GRIK4: variants seen among roughly 807,000 people sequenced by gnomAD.
GRIK4 encodes glutamate ionotropic receptor kainate type subunit 4.
In GRIK4, 40 loss-of-function variants were observed where a neutral mutation model predicts 104.9. The ratio of observed to expected loss-of-function variants is 0.38; its 90% CI spans 0.30 to 0.50. GRIK4 has a LOEUF of 0.50. GRIK4 is among the 20% of genes least tolerant of loss of function. The pLI, the probability that GRIK4 is intolerant of heterozygous loss-of-function variation, is 0.93. For synonymous variants in GRIK4, 485 were observed against 524.9 expected (o/e 0.92, Z 1.04); for missense variants, 1,047 against 1,308.1 (o/e 0.80, Z 3.08).
At chr11:120,856,998 C>T (rs575448842) in intron 8 of GRIK4, among the ~76,000 whole-genome samples, 6 of 152,302 alleles carry the variant, frequency 3.9e-5, no homozygotes, top group African/African-American at 1.2e-4. Flanking sequence ...TCCCTTATCC[C>T]TCCATGTTCC....
intron 1 of GRIK4, among the ~76,000 whole-genome samples, chr11:120,587,755 G>C (rs1948686294): frequency 1.3e-5 from 2 of 152,190 alleles, no homozygotes. Flanking sequence ...TTTTAGGCCT[G>C]CTGGACTACC....
chr11:120,856,141 T>C (rs1208416474), intron 8 of GRIK4, among the ~76,000 whole-genome samples: 2 of 152,222 alleles, frequency 1.3e-5, no homozygotes, highest in East Asian at 3.8e-4. Flanking sequence ...ATGGATTACC[T>C]GTGCAAGGTA....
At chr11:120,615,047 A>G (rs1949092299) in intron 1 of GRIK4, among the ~76,000 whole-genome samples, 1 of 152,320 alleles carries the variant, frequency 6.6e-6, no homozygotes, top group South Asian at 2.1e-4. Context: ...CAAAAACCGT[A>G]AGCAAATATG....
At chr11:120,632,047 ATGTT>A (rs1949339241) in intron 1 of GRIK4, among the ~76,000 whole-genome samples, 1 of 152,164 alleles carries the variant, frequency 6.6e-6, no homozygotes. Context: ...TGTGGACTGA[ATGTT>A]TGTGTCCCCT....
At chr11:120,642,517 A>C (rs1430306579) in intron 1 of GRIK4, among the ~76,000 whole-genome samples, 11 of 145,246 alleles carry the variant, frequency 7.6e-5, no homozygotes, top group Admixed American at 6.3e-4. Flanking sequence ...TAAGGAATCT[A>C]TGCTAGGTGG....
intron 13 of GRIK4, among the ~76,000 whole-genome samples, chr11:120,929,998 C>T (rs1042849028): frequency 1.7e-5 from 1 of 57,726 alleles, no homozygotes; most frequent in African/African-American, 4.1e-5. Flanking sequence ...GGGCAGGCCA[C>T]GTTTGGGGGG....
chr11:120,796,278 G>A (rs1030531328), intron 3 of GRIK4, among the ~76,000 whole-genome samples: 5 of 151,896 alleles, frequency 3.3e-5, no homozygotes, highest in Non-Finnish European at 5.9e-5. Context: ...CTCGTGATCC[G>A]CCCGCCTCAG....
intron 4 of GRIK4, among the ~76,000 whole-genome samples, chr11:120,810,017 A>T (rs1242787766): frequency 6.6e-6 from 1 of 152,182 alleles, no homozygotes; most frequent in African/African-American, 2.4e-5. Context: ...GTGAGCTATG[A>T]TTGCTCCACT....
At chr11:120,961,211 C>A in intron 17 of GRIK4, 137 bp downstream of exon 17, 1 of 763,370 alleles carries the variant, frequency 1.3e-6, no homozygotes, top group Non-Finnish European at 2.1e-6. Context: ...CCACATGGGG[C>A]TCATTTATCT....
At chr11:120,825,350 T>A (rs948156785) in intron 6 of GRIK4, among the ~76,000 whole-genome samples, 1 of 152,230 alleles carries the variant, frequency 6.6e-6, no homozygotes, top group Non-Finnish European at 1.5e-5. Flanking sequence ...TGTTGTCTCA[T>A]GTATAAACAG....
At chr11:120,744,949 T>C (rs1363706851) in intron 3 of GRIK4, among the ~76,000 whole-genome samples, 1 of 152,176 alleles carries the variant, frequency 6.6e-6, no homozygotes, top group South Asian at 2.1e-4. Context: ...GGCTTGGAAA[T>C]TGATAGAAAA....
chr11:120,951,415 A>G (rs925680896), intron 14 of GRIK4, among the ~76,000 whole-genome samples: 1 of 152,238 alleles, frequency 6.6e-6, no homozygotes, highest in Non-Finnish European at 1.5e-5. Flanking sequence ...GGTTGAGTTT[A>G]GCTCGGTATT....
At chr11:120,648,474 G>T (rs1949572113) in intron 1 of GRIK4, among the ~76,000 whole-genome samples, 1 of 152,214 alleles carries the variant, frequency 6.6e-6, no homozygotes, top group Non-Finnish European at 1.5e-5. Flanking sequence ...AATCATGGCT[G>T]TAGGCAGGTG....
At chr11:120,719,991 A>AT (rs370119802) in intron 3 of GRIK4, among the ~76,000 whole-genome samples, 197 of 150,890 alleles carry the variant, frequency 1.3e-3, no homozygotes, top group Middle Eastern at 3.4e-3. Context: ...GATAAGGTAG[A>AT]TTAAAAAAAA....
intron 13 of GRIK4, among the ~76,000 whole-genome samples, chr11:120,923,187 C>T (rs1359633600): frequency 6.6e-6 from 1 of 152,068 alleles, no homozygotes; most frequent in Non-Finnish European, 1.5e-5. Flanking sequence ...GTCTGGCCAA[C>T]AGGAAAGGGG....
At chr11:120,840,162 G>C (rs375989190) in intron 8 of GRIK4, among the ~76,000 whole-genome samples, 1 of 152,194 alleles carries the variant, frequency 6.6e-6, no homozygotes, top group Non-Finnish European at 1.5e-5. Flanking sequence ...ACAGTGAGGT[G>C]TCAGGCAATG....
At chr11:120,807,383 CT>C (rs1407363631) in intron 4 of GRIK4, among the ~76,000 whole-genome samples, 1 of 152,236 alleles carries the variant, frequency 6.6e-6, no homozygotes, top group Admixed American at 6.5e-5. Flanking sequence ...AACCCCTCCC[CT>C]GTGCCTCAGT....
intron 6 of GRIK4, among the ~76,000 whole-genome samples, chr11:120,826,036 G>A (rs1193775527): frequency 1.3e-5 from 2 of 152,180 alleles, no homozygotes; most frequent in South Asian, 2.1e-4. Context: ...GAAGGTCACA[G>A]TCCTCCCATT....
chr11:120,931,117 A>C (rs1395437695), intron 13 of GRIK4, among the ~76,000 whole-genome samples: 1 of 152,236 alleles, frequency 6.6e-6, no homozygotes, highest in African/African-American at 2.4e-5. Flanking sequence ...GGGAGAGGAT[A>C]TCACAGCTAT....
Sources: gnomAD v4.1 joint callset for allele counts (sites outside exome capture counted in the v4.1 genomes callset) on GRCh38, gnomAD v4.1.1 for gene constraint, MANE v1.5 for transcripts, NCBI Gene and HGNC (gene_info 2026-07-23, HGNC 2026-07-21) for gene names.